Variants in PSD3 observed in about 807,000 individuals in gnomAD.
The protein encoded by PSD3 is pleckstrin and Sec7 domain containing 3, also known as PH and SEC7 domain-containing protein 3.
A neutral mutation model predicts 105.5 loss-of-function variants in PSD3; 49 were observed. The ratio of observed to expected loss-of-function variants is 0.46; its 90% CI spans 0.37 to 0.59. PSD3 has a LOEUF of 0.59. Among genes scored for constraint, PSD3 ranks in the 20% least tolerant of loss-of-function variants. The pLI is 0.00. For synonymous variants in PSD3, 557 were observed against 457.8 expected (o/e 1.22, Z -2.77); for missense variants, 1,561 against 1,263.8 (o/e 1.24, Z -3.57).
chr8:19,012,100 T>C (rs1826977603), intron 1 of PSD3, among the ~76,000 whole-genome samples: 1 of 152,202 alleles, frequency 6.6e-6, no homozygotes, highest in Non-Finnish European at 1.5e-5. Flanking sequence ...ACTCACCCAG[T>C]CAGTGGCAAA....
chr8:18,769,825 A>G (rs1184393139), intron 8 of PSD3, among the ~76,000 whole-genome samples: 4 of 152,178 alleles, frequency 2.6e-5, no homozygotes, highest in African/African-American at 9.6e-5. Context: ...ATGTCCTTTT[A>G]TTTCTAAACA....
At chr8:18,658,069 T>C (rs1809033407) in intron 9 of PSD3, among the ~76,000 whole-genome samples, 1 of 152,224 alleles carries the variant, frequency 6.6e-6, no homozygotes, top group African/African-American at 2.4e-5. Flanking sequence ...GATAATCTAT[T>C]ATAAATCATC....
At chr8:18,908,508 T>A (rs1819988612) in intron 2 of PSD3, among the ~76,000 whole-genome samples, 1 of 152,194 alleles carries the variant, frequency 6.6e-6, no homozygotes, top group South Asian at 2.1e-4. Flanking sequence ...AAGCCTCTGA[T>A]TACCCCTTTC....
At chr8:18,942,693 T>C (rs376665921) in intron 1 of PSD3, among the ~76,000 whole-genome samples, 18 of 152,268 alleles carry the variant, frequency 1.2e-4, no homozygotes, top group African/African-American at 4.1e-4. Flanking sequence ...AAGGTGGCCA[T>C]CTGCAAGACA....
chr8:18,630,241 T>C (rs1806797391), intron 11 of PSD3, among the ~76,000 whole-genome samples: 1 of 151,638 alleles, frequency 6.6e-6, no homozygotes, highest in African/African-American at 2.4e-5. Context: ...CAATCAGAAA[T>C]TCTCAAGACA....
chr8:18,778,944 G>A (rs1364514256), intron 8 of PSD3, among the ~76,000 whole-genome samples: 1 of 151,920 alleles, frequency 6.6e-6, no homozygotes, highest in Non-Finnish European at 1.5e-5. Context: ...TCTGGTTCTG[G>A]CATCAAGGTA....
chr8:18,587,580 C>T (rs2634450), intron 12 of PSD3, among the ~76,000 whole-genome samples: 2,815 of 152,248 alleles, frequency 0.018, 97 homozygotes, highest in African/African-American at 0.064. Context: ...GCCTGCCTGG[C>T]AAACTCCTGC....
At chr8:18,896,075 T>C (rs1819131006) in intron 2 of PSD3, among the ~76,000 whole-genome samples, 1 of 152,260 alleles carries the variant, frequency 6.6e-6, no homozygotes, top group South Asian at 2.1e-4. Context: ...ATTTATCTTT[T>C]TATGCCTGGC....
In PSD3 at chr8:18,766,379, C is replaced by T. The variant is rs142143330; in HGVS notation, c.2083-841G>A. On this transcript the variant is annotated intron_variant, in intron 8 of 15. Transcript: ENST00000327040. ...CCACAGGTTTATATACACATACATA[C>T]AATTTTACTGCACTAAAAACATGGT... is the stretch of plus-strand genomic sequence containing the variant. Among the ~76,000 whole-genome samples, 397 of 152,192 alleles carry T rather than the reference C, an allele frequency of 2.6e-3. 1 individual carries two copies. Among genetic ancestry groups the T allele is most frequent in the African/African-American group, 8.9e-3 (370 of 41,536 alleles).
At chr8:18,660,109 A>AT (rs1809234996) in intron 9 of PSD3, among the ~76,000 whole-genome samples, 2 of 152,132 alleles carry the variant, frequency 1.3e-5, no homozygotes, top group Admixed American at 6.5e-5. Context: ...AACTTTAAAG[A>AT]TGTGATTAAG....
intron 9 of PSD3, among the ~76,000 whole-genome samples, chr8:18,726,316 T>A (rs987853862): frequency 3.9e-5 from 6 of 152,264 alleles, no homozygotes; most frequent in African/African-American, 1.4e-4. Context: ...TGAACTTTAA[T>A]GAAATAACAG....
intron 8 of PSD3, among the ~76,000 whole-genome samples, chr8:18,766,110 G>A (rs999102605): frequency 6.6e-6 from 1 of 152,158 alleles, no homozygotes; most frequent in Admixed American, 6.6e-5. Flanking sequence ...GAGGTGCGTG[G>A]ATTACTTGAG....
At chr8:18,953,388 T>C (rs1393513491) in intron 1 of PSD3, among the ~76,000 whole-genome samples, 1 of 152,156 alleles carries the variant, frequency 6.6e-6, no homozygotes, top group East Asian at 1.9e-4. Context: ...GCAACACATA[T>C]AAATATATCA....
intron 15 of PSD3, among the ~76,000 whole-genome samples, chr8:18,542,657 A>G (rs1800216472): frequency 6.6e-6 from 1 of 152,228 alleles, no homozygotes; most frequent in Non-Finnish European, 1.5e-5. Flanking sequence ...GCCCATGGAA[A>G]GCATGGTGGC....
chr8:18,664,375 T>G (rs954643063), intron 9 of PSD3, among the ~76,000 whole-genome samples: 1 of 152,192 alleles, frequency 6.6e-6, no homozygotes, highest in African/African-American at 2.4e-5. Context: ...ATGGTCTGGA[T>G]AGAAGATCAA....
intron 4 of PSD3, among the ~76,000 whole-genome samples, chr8:18,863,326 C>T (rs779047287): frequency 6.6e-6 from 1 of 152,132 alleles, no homozygotes; most frequent in Non-Finnish European, 1.5e-5. Flanking sequence ...CCCATTGAAA[C>T]GTGTATAATT....
Position 18,632,779 on chromosome 8 carries a change from G to A in PSD3, c.2244C>T (p.Pro748=). The change falls in exon 11 of 16, where the codon CCC becomes CCT. Residue 748 remains proline (P), a synonymous_variant. Coordinates refer to ENST00000327040, the MANE Select transcript of PSD3 (RefSeq NM_015310.4). ...AVDDEEKKKS[P]SESTEEKANG... The stretch of plus-strand genomic sequence containing the variant: ...TAGCTTTCTCCTCAGTACTTTCTGA[G>A]GGAGACTTTTTTTTCTCTTCATCAT... The A allele has an allele frequency of 1.9e-6, 3 of 1,592,342 alleles. No homozygotes were observed. The highest frequency in any genetic ancestry group is 2.6e-6 in the Non-Finnish European group (3 of 1,163,676).
At chr8:18,554,143 C>A (rs559788467) in intron 15 of PSD3, among the ~76,000 whole-genome samples, 1 of 152,198 alleles carries the variant, frequency 6.6e-6, no homozygotes, top group East Asian at 1.9e-4. Flanking sequence ...AGCCACCCCC[C>A]ACCTCCTGGG....
At chr8:19,023,355 A>G (rs1304812109) in intron 1 of PSD3, among the ~76,000 whole-genome samples, 5 of 152,120 alleles carry the variant, frequency 3.3e-5, no homozygotes, top group Non-Finnish European at 7.4e-5. Context: ...TCAAGTGTTC[A>G]GTAGCCATAG....
Sources: gnomAD v4.1 joint callset for allele counts (sites outside exome capture counted in the v4.1 genomes callset) on GRCh38, gnomAD v4.1.1 for gene constraint, MANE v1.5 for transcripts, NCBI Gene and HGNC (gene_info 2026-07-23, HGNC 2026-07-21) for gene names.